The following PPM1B variants were observed in gnomAD, a reference collection of about 807,000 sequenced individuals.
PPM1B encodes the protein protein phosphatase 1B.
A neutral mutation model predicts 43.0 loss-of-function variants in PPM1B; 22 were observed. The observed-to-expected ratio is 0.51, with a 90% confidence interval of 0.37 to 0.73. The LOEUF is 0.73. Among genes scored for constraint, PPM1B ranks in the 30% least tolerant of loss-of-function variants. The pLI is 0.00. For synonymous variants in PPM1B, 217 were observed against 197.9 expected (o/e 1.10, Z -0.81); for missense variants, 632 against 584.2 (o/e 1.08, Z -0.84).
chr2:44,243,642 G>C (rs959287970), intron 5 of PPM1B, among the ~76,000 whole-genome samples: 5 of 151,896 alleles, frequency 3.3e-5, no homozygotes, highest in Admixed American at 6.6e-5. Flanking sequence ...ATTTGAAGTT[G>C]TCCTTTATGA....
chr2:44,187,276 G>T (rs537551928), intron 1 of PPM1B, among the ~76,000 whole-genome samples: 10 of 152,206 alleles, frequency 6.6e-5, no homozygotes, highest in South Asian at 2.1e-4. Context: ...AATTCATTCT[G>T]TGTATATACT....
chr2:44,206,711 A>G (rs1328905690), intron 2 of PPM1B, among the ~76,000 whole-genome samples: 1 of 151,352 alleles, frequency 6.6e-6, no homozygotes. Context: ...ATAAAGTGTA[A>G]TTATGCTTGA....
chr2:44,245,876 C>T (rs1045104297), downstream of PPM1B, among the ~76,000 whole-genome samples: 1 of 152,242 alleles, frequency 6.6e-6, no homozygotes, highest in Non-Finnish European at 1.5e-5. Context: ...TCCTTCAGCA[C>T]GCTGACTCCA....
chr2:44,239,487 T>C (rs1348479921), downstream of PPM1B, among the ~76,000 whole-genome samples: 1 of 152,170 alleles, frequency 6.6e-6, no homozygotes, highest in Non-Finnish European at 1.5e-5. Context: ...TTTTGCTGTA[T>C]GTTTTTCTTG....
At position 44,177,464 on chromosome 2, in the gene PPM1B, G is replaced by C. The variant is rs1667635176; in HGVS notation, c.-15+8190G>C. ...ACGGAGTTTTGCTCTTGTTGCCCAG[G>C]CTGGAGTGTAGTGGCATGATCTCGG... On this transcript the variant is annotated intron_variant, in intron 1 of 5. Transcript: ENST00000282412. 3.7e-5 allele frequency among the ~76,000 whole-genome samples: 5 copies of C among 135,784 alleles called. No individual in the cohort carries two copies. The South Asian group carries it at 1.2e-3, about 32-fold the overall frequency. The allele number at this position is 135,784 out of a possible 152,430, so 89.1% of individuals were successfully genotyped here. A position where few individuals can be genotyped will look rare whatever the true frequency, so the allele number is the denominator to read the frequency against.
downstream of PPM1B, chr2:44,233,829 C>T: frequency 2.0e-6 from 2 of 985,618 alleles, no homozygotes; most frequent in Non-Finnish European, 2.4e-6. Flanking sequence ...AGATTTTAGC[C>T]TTGTAAGTTA....
chr2:44,221,513 C>A (rs183156114), intron 5 of PPM1B, among the ~76,000 whole-genome samples: 1 of 151,828 alleles, frequency 6.6e-6, no homozygotes, highest in Admixed American at 6.6e-5. Flanking sequence ...TGTTAACTTG[C>A]GGGGTGGGAA....
chr2:44,179,256 A>T (rs1010894545), intron 1 of PPM1B, among the ~76,000 whole-genome samples: 3 of 152,336 alleles, frequency 2.0e-5, no homozygotes, highest in Admixed American at 1.3e-4. Context: ...AAGTCCATTA[A>T]ACCTCTCTTT....
chr2:44,241,889 C>G (rs1201606856), intron 5 of PPM1B, among the ~76,000 whole-genome samples: 2 of 79,002 alleles, frequency 2.5e-5, no homozygotes, highest in African/African-American at 1.0e-4. Context: ...GACGGAGTCT[C>G]GCACTCTCGT....
chr2:44,179,175 A>T (rs531753660), intron 1 of PPM1B, among the ~76,000 whole-genome samples: 43 of 152,274 alleles, frequency 2.8e-4, no homozygotes, highest in African/African-American at 7.2e-4. Flanking sequence ...GCTGCCATCT[A>T]TGTAAGATGT....
rs145425437 is a variant in PPM1B, at chr2:44,243,738, C to G, written n.1547-490C>G. Among the ~76,000 whole-genome samples, 4 of 152,230 alleles carry G rather than the reference C, an allele frequency of 2.6e-5. No homozygotes were observed. In the East Asian group the frequency reaches 7.7e-4, roughly 29 times the overall value. The stretch of plus-strand genomic sequence containing the variant: ...GTCAGTACCATGTCATCTTAATTAT[C>G]ATAGTTTTACTATACATTTTATTAT... On this transcript the variant is annotated intron_variant and non_coding_transcript_variant, in intron 5 of 5. Transcript: ENST00000378540.
chr2:44,233,277 A>C (rs1229421919), downstream of PPM1B: 2 of 905,976 alleles, frequency 2.2e-6, no homozygotes, highest in Middle Eastern at 5.6e-4. Flanking sequence ...ATACATTTAA[A>C]ATTATCTATT....
chr2:44,214,807 G>T (rs1399198137), intron 3 of PPM1B, among the ~76,000 whole-genome samples: 1 of 152,150 alleles, frequency 6.6e-6, no homozygotes, highest in African/African-American at 2.4e-5. Context: ...CTCCTAGTCA[G>T]AAAGAACTCA....
downstream of PPM1B, among the ~76,000 whole-genome samples, chr2:44,244,832 T>C (rs189428074): frequency 7.5e-5 from 11 of 147,290 alleles, no homozygotes; most frequent in Admixed American, 4.1e-4. Flanking sequence ...TATATATATA[T>C]ATATATACAC....
intron 1 of PPM1B, among the ~76,000 whole-genome samples, chr2:44,170,650 G>C (rs1572672104): frequency 6.6e-6 from 1 of 152,172 alleles, no homozygotes; most frequent in African/African-American, 2.4e-5. Context: ...TACTTTCTCT[G>C]TTGTGCAATA....
At chr2:44,196,191 A>G (rs941259964) in intron 1 of PPM1B, among the ~76,000 whole-genome samples, 2 of 152,160 alleles carry the variant, frequency 1.3e-5, no homozygotes, top group African/African-American at 4.8e-5. Flanking sequence ...CCCATTAAGG[A>G]TGTACCACGT....
At chr2:44,186,544 GT>G (rs879261206) in intron 1 of PPM1B, among the ~76,000 whole-genome samples, 12 of 146,506 alleles carry the variant, frequency 8.2e-5, no homozygotes, top group Middle Eastern at 3.6e-3. Context: ...AATTTTTGAA[GT>G]TTTTTTTTTT....
At chr2:44,175,564 C>G (rs1667543101) in intron 1 of PPM1B, among the ~76,000 whole-genome samples, 1 of 152,176 alleles carries the variant, frequency 6.6e-6, no homozygotes, top group African/African-American at 2.4e-5. Flanking sequence ...CAGCAACTCA[C>G]AGTTTACATT....
At chr2:44,200,287 A>G (rs1668873809) in intron 1 of PPM1B, among the ~76,000 whole-genome samples, 1 of 152,210 alleles carries the variant, frequency 6.6e-6, no homozygotes, top group Non-Finnish European at 1.5e-5. Flanking sequence ...AACATACCAG[A>G]GAATTCTTTT....
Sources: gnomAD v4.1 joint callset for allele counts (sites outside exome capture counted in the v4.1 genomes callset) on GRCh38, gnomAD v4.1.1 for gene constraint, MANE v1.5 for transcripts, NCBI Gene and HGNC (gene_info 2026-07-23, HGNC 2026-07-21) for gene names.